KIRREL3: variants seen among roughly 807,000 people sequenced by gnomAD.
The protein encoded by KIRREL3 is kin of IRRE-like protein 3.
A neutral mutation model predicts 89.7 loss-of-function variants in KIRREL3; 36 were observed. The ratio of observed to expected loss-of-function variants is 0.40; its 90% CI spans 0.31 to 0.53. The LOEUF is 0.53. Among genes scored for constraint, KIRREL3 ranks in the 20% least tolerant of loss-of-function variants. The pLI, the probability that KIRREL3 is intolerant of heterozygous loss-of-function variation, is 0.49. For synonymous variants in KIRREL3, 445 were observed against 441.4 expected (o/e 1.01, Z -0.10); for missense variants, 864 against 1,056.6 (o/e 0.82, Z 2.53).
intron 1 of KIRREL3, among the ~76,000 whole-genome samples, chr11:126,625,103 A>T (rs958805619): frequency 2.6e-5 from 4 of 152,194 alleles, no homozygotes; most frequent in Non-Finnish European, 5.9e-5. Flanking sequence ...ATGATAATGC[A>T]GCAAAACTAC....
chr11:126,840,958 C>T (rs1049257893), intron 1 of KIRREL3, among the ~76,000 whole-genome samples: 3 of 152,222 alleles, frequency 2.0e-5, no homozygotes, highest in African/African-American at 7.2e-5. Flanking sequence ...ATTATACACT[C>T]AGGTTGCTAA....
chr11:126,995,461 TC>T lies in KIRREL3; in HGVS notation c.55+4993del. On this transcript the variant is annotated intron_variant, in intron 1 of 16. Transcript: ENST00000525144. This position sits in a 1 kb window ranked among gnomAD's most constrained non-coding sequence, Gnocchi z 6.5. ...AATAAAAAAACGCCTGCACTGTTTT[TC>T]ACCTAAGGTCATCTCGACAATTTAC... 1 of 383,236 alleles carries T rather than the reference TC, an allele frequency of 2.6e-6. No individual in the cohort carries two copies. The highest frequency in any genetic ancestry group is 2.0e-5 in the South Asian group (1 of 51,002). The allele number at this position is 383,236 out of a possible 1,614,324, so 23.7% of individuals were successfully genotyped here. A position where few individuals can be genotyped will look rare whatever the true frequency, so the allele number is the denominator to read the frequency against.
Position 126,521,273 on chromosome 11 carries a change from G to T in KIRREL3, c.433+42C>A. On this transcript the variant is annotated intron_variant, in intron 4 of 16. Coordinates refer to ENST00000525144, the MANE Select transcript of KIRREL3 (RefSeq NM_032531.4). This position sits in a 1 kb window ranked among gnomAD's most constrained non-coding sequence, Gnocchi z 4.1. ...ACCCTCTTGGAGCTGAGCCCTTGGT[G>T]CTTCACGCAGTGTCCCAGCCCCGTG... The T allele has an allele frequency of 1.4e-6, 2 of 1,479,090 alleles. No individual in the cohort carries two copies. Among genetic ancestry groups the T allele is most frequent in the African/African-American group, 1.4e-5 (1 of 71,306 alleles). The allele number at this position is 1,479,090 out of a possible 1,614,324, so 91.6% of individuals were successfully genotyped here.
chr11:126,522,127 C>T lies in KIRREL3; in HGVS notation c.284-663G>A, dbSNP rs6590220. Among the ~76,000 whole-genome samples, 3,698 of 152,158 alleles carry T rather than the reference C, an allele frequency of 0.024. 156 individuals carry two copies. Among genetic ancestry groups the T allele is most frequent in the African/African-American group, 0.082 (3,398 of 41,472 alleles). ...GAAAGAGGGAGAAGAGATGGAAATGCTAAGCGTGGACAGACACCGCTGGCT... is the reference window on the plus strand; with the variant it reads ...GAAAGAGGGAGAAGAGATGGAAATGTTAAGCGTGGACAGACACCGCTGGCT... On this transcript the variant is annotated intron_variant, in intron 3 of 16. Transcript: ENST00000525144. The surrounding 1 kb of genome is among the most constrained non-coding windows in gnomAD (Gnocchi z 6.0).
Position 126,563,770 on chromosome 11 carries a change from G to C in KIRREL3, c.56-858C>G, listed in dbSNP as rs945774082. ...AAATTGGAGTCCATCTGCCTCACAA[G>C]AAGGCAAGCTTTCCTCTCTGGTATT... On this transcript the variant is annotated intron_variant, in intron 1 of 16. Transcript: ENST00000525144. This position sits in a 1 kb window ranked among gnomAD's most constrained non-coding sequence, Gnocchi z 6.8. Among the ~76,000 whole-genome samples, 1 of 152,190 alleles carries C rather than the reference G, an allele frequency of 6.6e-6. No homozygotes were observed. Among genetic ancestry groups the C allele is most frequent in the African/African-American group, 2.4e-5 (1 of 41,440 alleles).
chr11:126,785,951 C>T (rs1041323645), intron 1 of KIRREL3, among the ~76,000 whole-genome samples: 1 of 138,602 alleles, frequency 7.2e-6, no homozygotes, highest in African/African-American at 2.7e-5. Flanking sequence ...AGCAATTTGG[C>T]AATGTGTACC....
chr11:126,611,680 C>T lies in KIRREL3; in HGVS notation c.56-48768G>A, dbSNP rs1033019364. ...ACAGATGGCTGCTCTCTGGGCTGCA[C>T]GCACGTTGGGTTCACTGATCGCAGA... On this transcript the variant is annotated intron_variant, in intron 1 of 16. Transcript: ENST00000525144. This position sits in a 1 kb window ranked among gnomAD's most constrained non-coding sequence, Gnocchi z 4.7. Among the ~76,000 whole-genome samples the T allele has an allele frequency of 2.0e-5, 3 of 152,138 alleles. No individual in the cohort carries two copies. The highest frequency in any genetic ancestry group is 6.5e-5 in the Admixed American group (1 of 15,284).
Position 126,526,196 on chromosome 11 carries a change from A to G in KIRREL3, c.283+342T>C, listed in dbSNP as rs532850709. On this transcript the variant is annotated intron_variant, in intron 3 of 16. Coordinates refer to ENST00000525144, the MANE Select transcript of KIRREL3 (RefSeq NM_032531.4). This position sits in a 1 kb window ranked among gnomAD's most constrained non-coding sequence, Gnocchi z 5.7. ...TTGTGCCTTAATAAATGGGGGATAC[A>G]TCTTGGGCCAAGACACAGGAACACT... Among the ~76,000 whole-genome samples, 2 of 152,336 alleles carry G rather than the reference A, an allele frequency of 1.3e-5. No individual in the cohort carries two copies. Among genetic ancestry groups the G allele is most frequent in the South Asian group, 4.1e-4 (2 of 4,828 alleles).
In KIRREL3 at chr11:126,492,470, T is replaced by A. The variant is rs1235128887; in HGVS notation, c.434-19004A>T. Among the ~76,000 whole-genome samples the A allele has an allele frequency of 1.3e-5, 2 of 152,138 alleles. No homozygotes were observed. The highest frequency in any genetic ancestry group is 4.8e-5 in the African/African-American group (2 of 41,426). Reference sequence around the variant, plus strand: ...TACTTCCCTGCTCCCAGTTAGCCCCTGTCCGTCCAGTTCTGAGAGGTGTTT... The same window carrying A: ...TACTTCCCTGCTCCCAGTTAGCCCCAGTCCGTCCAGTTCTGAGAGGTGTTT... On this transcript the variant is annotated intron_variant, in intron 4 of 16. Transcript: ENST00000525144. This position sits in a 1 kb window ranked among gnomAD's most constrained non-coding sequence, Gnocchi z 4.8.
chr11:127,002,646 T>C (rs1950334617), upstream of KIRREL3, among the ~76,000 whole-genome samples: 1 of 152,226 alleles, frequency 6.6e-6, no homozygotes, highest in Non-Finnish European at 1.5e-5. Flanking sequence ...ATTTCAGGTG[T>C]CTGCGTGCCA....
At chr11:126,949,470 A>G (rs906122774) in intron 1 of KIRREL3, among the ~76,000 whole-genome samples, 3 of 152,186 alleles carry the variant, frequency 2.0e-5, no homozygotes, top group Non-Finnish European at 4.4e-5. Flanking sequence ...GCTCATGCAC[A>G]TGCCCCTCCC....
At chr11:126,751,943 T>G (rs528712628) in intron 1 of KIRREL3, among the ~76,000 whole-genome samples, 2 of 152,164 alleles carry the variant, frequency 1.3e-5, no homozygotes, top group Non-Finnish European at 2.9e-5. Flanking sequence ...CCTCAAGCGA[T>G]CCTCCCATCT....
In KIRREL3 at chr11:126,641,253, C is replaced by A. The variant is rs1944457311; in HGVS notation, c.56-78341G>T. Among the ~76,000 whole-genome samples the A allele has an allele frequency of 6.6e-6, 1 of 152,138 alleles. No individual in the cohort carries two copies. Among genetic ancestry groups the A allele is most frequent in the South Asian group, 2.1e-4 (1 of 4,818 alleles). ...CTCAAAATATATTATAAACCAACCA[C>A]CTCTCACCACTTCCTCTGCTACTTT... On this transcript the variant is annotated intron_variant, in intron 1 of 16. Transcript: ENST00000525144. The surrounding 1 kb of genome is among the most constrained non-coding windows in gnomAD (Gnocchi z 5.0).
At chr11:126,507,426 C>G (rs1373599090) in intron 4 of KIRREL3, among the ~76,000 whole-genome samples, 2 of 152,212 alleles carry the variant, frequency 1.3e-5, no homozygotes, top group Non-Finnish European at 2.9e-5. Flanking sequence ...TCCAACCTCT[C>G]AACACCTCCT....
At chr11:126,804,273 A>T (rs1473596787) in intron 1 of KIRREL3, among the ~76,000 whole-genome samples, 1 of 152,208 alleles carries the variant, frequency 6.6e-6, no homozygotes, top group Non-Finnish European at 1.5e-5. Flanking sequence ...GCTGTCAAGA[A>T]TCTCTGAGTT....
chr11:126,644,502 G>C (rs985103693), intron 1 of KIRREL3, among the ~76,000 whole-genome samples: 1 of 152,194 alleles, frequency 6.6e-6, no homozygotes, highest in Non-Finnish European at 1.5e-5. Context: ...GAAGACTGCT[G>C]GGACCTGAGG....
In KIRREL3 at chr11:126,736,447, A is replaced by G. The variant is rs897936453; in HGVS notation, c.56-173535T>C. 1.3e-5 allele frequency among the ~76,000 whole-genome samples: 2 copies of G among 152,178 alleles called. No individual in the cohort carries two copies. Among genetic ancestry groups the G allele is most frequent in the Non-Finnish European group, 2.9e-5 (2 of 68,030 alleles). On this transcript the variant is annotated intron_variant, in intron 1 of 16. Coordinates refer to ENST00000525144, the MANE Select transcript of KIRREL3 (RefSeq NM_032531.4). The surrounding 1 kb of genome is among the most constrained non-coding windows in gnomAD (Gnocchi z 5.0). The stretch of plus-strand genomic sequence containing the variant: ...AACCCAAGCTGTTTTTGGTGTTCAT[A>G]TCACTTTCTAAACAGAGAACTGGAG...
In KIRREL3 at chr11:126,684,264, G is replaced by T. The variant is rs944552428; in HGVS notation, c.56-121352C>A. ...TCTGGGAAAGCCCCTGGGCTTGCTGGACCCATTTCTGCCCTTCTGAAAGCG... is the reference window on the plus strand; with the variant it reads ...TCTGGGAAAGCCCCTGGGCTTGCTGTACCCATTTCTGCCCTTCTGAAAGCG... On this transcript the variant is annotated intron_variant, in intron 1 of 16. Transcript: ENST00000525144. The surrounding 1 kb of genome is among the most constrained non-coding windows in gnomAD (Gnocchi z 4.2). Among the ~76,000 whole-genome samples, 3 of 152,240 alleles carry T rather than the reference G, an allele frequency of 2.0e-5. No homozygotes were observed. Among genetic ancestry groups the T allele is most frequent in the African/African-American group, 7.2e-5 (3 of 41,470 alleles).
chr11:126,967,299 A>C (rs1408009601), intron 1 of KIRREL3, among the ~76,000 whole-genome samples: 4 of 152,086 alleles, frequency 2.6e-5, no homozygotes, highest in African/African-American at 9.7e-5. Context: ...ATCCCTCCAA[A>C]GAGCACTGCA....
Sources: allele counts gnomAD v4.1 joint callset (sites outside exome capture counted in the v4.1 genomes callset), GRCh38; gene constraint gnomAD v4.1.1; non-coding constraint Gnocchi (gnomAD v3.1); transcripts MANE v1.5; gene names NCBI Gene and HGNC (gene_info 2026-07-23, HGNC 2026-07-21).